The following CCNY variants were observed in gnomAD, a reference collection of about 807,000 sequenced individuals.
CCNY encodes the protein cyclin-Y.
In CCNY, 19 loss-of-function variants were observed where a neutral mutation model predicts 42.8. The observed-to-expected ratio is 0.44, with a 90% CI of 0.31 to 0.65. The LOEUF (loss-of-function observed/expected upper bound fraction) is 0.65, where lower values mean the gene tolerates loss of function less well. Among genes scored for constraint, CCNY ranks in the 30% least tolerant of loss-of-function variants. CCNY has a pLI of 0.07. For synonymous variants in CCNY, 165 were observed against 162.7 expected, an observed-to-expected ratio of 1.01 and a Z score of -0.11; for missense variants, 370 against 437.3, an observed-to-expected ratio of 0.85 and a Z score of 1.37.
chr10:35,529,871 C>CCA, intron 5 of CCNY, 102 bp from the exon 6 acceptor site: 1 of 968,992 alleles, frequency 1.0e-6, no homozygotes, highest in Non-Finnish European at 1.5e-6. Flanking sequence ...CTCCGTATCC[C>CCA]AAAAAAAAAA....
intron 1 of CCNY, among the ~76,000 whole-genome samples, chr10:35,360,749 G>A (rs896864107): frequency 5.9e-5 from 9 of 151,864 alleles, no homozygotes; most frequent in African/African-American, 1.9e-4. Context: ...ATACTCATCT[G>A]TATATGATTA....
At chr10:35,355,320 T>C (rs958559406) in intron 1 of CCNY, among the ~76,000 whole-genome samples, 1 of 152,144 alleles carries the variant, frequency 6.6e-6, no homozygotes, top group Admixed American at 6.5e-5. Flanking sequence ...CCAAGCATAG[T>C]AGAGCTAAAA....
chr10:35,528,442 G>A (rs757565499), intron 5 of CCNY, among the ~76,000 whole-genome samples: 3 of 152,178 alleles, frequency 2.0e-5, no homozygotes, highest in African/African-American at 4.8e-5. Flanking sequence ...AGTGGCTTAC[G>A]CCTGTAATCC....
chr10:35,376,141 C>G (rs1050404117), intron 1 of CCNY, among the ~76,000 whole-genome samples: 4 of 152,140 alleles, frequency 2.6e-5, no homozygotes, highest in Admixed American at 2.6e-4. Context: ...CAACCTGGCA[C>G]AGCAGTTATT....
chr10:35,380,173 C>T (rs568342589), intron 1 of CCNY, among the ~76,000 whole-genome samples: 12 of 152,172 alleles, frequency 7.9e-5, no homozygotes, highest in Non-Finnish European at 1.5e-4. Context: ...CTTAGATCCT[C>T]GAGGGCTTGG....
At chr10:35,512,679 C>T (rs1415877857) in intron 3 of CCNY, among the ~76,000 whole-genome samples, 3 of 152,116 alleles carry the variant, frequency 2.0e-5, no homozygotes, top group Admixed American at 2.0e-4. Context: ...GTTAGGGCTT[C>T]TACTCCAGGT....
intron 1 of CCNY, among the ~76,000 whole-genome samples, chr10:35,406,942 G>T (rs1837792312): frequency 2.6e-5 from 4 of 152,208 alleles, no homozygotes; most frequent in South Asian, 4.1e-4. Flanking sequence ...GTCGGGAGCG[G>T]ATTGGGTAAT....
chr10:35,275,310 C>G (rs1835225330), intron 3 of CCNY, among the ~76,000 whole-genome samples: 1 of 151,556 alleles, frequency 6.6e-6, no homozygotes, highest in Non-Finnish European at 1.5e-5. Context: ...AAATGATCTG[C>G]CCGCATTGGC....
intron 3 of CCNY, among the ~76,000 whole-genome samples, chr10:35,288,583 C>T (rs1835379748): frequency 9.9e-5 from 15 of 152,086 alleles, no homozygotes; most frequent in Admixed American, 9.8e-4. Context: ...TAAAGATTTT[C>T]TCCTAGTATT....
upstream of CCNY, among the ~76,000 whole-genome samples, chr10:35,332,698 G>A (rs1447387176): frequency 2.6e-5 from 4 of 151,936 alleles, no homozygotes; most frequent in Non-Finnish European, 4.4e-5. Flanking sequence ...TCCACCTCCC[G>A]GGTTCACACC....
intron 5 of CCNY, among the ~76,000 whole-genome samples, chr10:35,527,849 A>G (rs993485481): frequency 1.3e-5 from 2 of 152,120 alleles, no homozygotes; most frequent in Admixed American, 6.5e-5. Context: ...GGTGCTGGTG[A>G]TAGACCTGTT....
Position 35,379,205 on chromosome 10 carries a change from A to G in CCNY, c.154+41998A>G, listed in dbSNP as rs115831604. Among the ~76,000 whole-genome samples the G allele has an allele frequency of 6.8e-3, 1,035 of 152,336 alleles. 11 individuals are homozygous for G. Among genetic ancestry groups the G allele is most frequent in the African/African-American group, 0.024 (989 of 41,570 alleles). On this transcript the variant is annotated intron_variant, in intron 1 of 9. Transcript: ENST00000374704. Reference sequence around the variant, plus strand: ...GAGAGCAGGCAGGCTCTCGGGTCCAAAAGTGTCTTGAGAGAGCAGGGAAAG... The same window carrying G: ...GAGAGCAGGCAGGCTCTCGGGTCCAGAAGTGTCTTGAGAGAGCAGGGAAAG...
chr10:35,262,642 G>A (rs1446938141), intron 3 of CCNY, among the ~76,000 whole-genome samples: 1 of 152,084 alleles, frequency 6.6e-6, no homozygotes, highest in Non-Finnish European at 1.5e-5. Flanking sequence ...GATTACAGGG[G>A]TGAGTCGCCA....
intron 1 of CCNY, among the ~76,000 whole-genome samples, chr10:35,464,671 C>G (rs1330737643): frequency 2.0e-5 from 3 of 152,060 alleles, no homozygotes; most frequent in African/African-American, 7.3e-5. Context: ...TTCCTGGAGG[C>G]ACTTACCTGG....
chr10:35,353,828 A>G lies in CCNY; in HGVS notation c.154+16621A>G, dbSNP rs530119631. ...GGAATTGTATTAGTTGAAAAGCTGT[A>G]CAAGAAATTACCCCAACATTTAGTA... On this transcript the variant is annotated intron_variant, in intron 1 of 9. Coordinates refer to ENST00000374704, the MANE Select transcript of CCNY (RefSeq NM_145012.6). Among the ~76,000 whole-genome samples the G allele has an allele frequency of 3.9e-4, 60 of 152,358 alleles. 1 individual carries two copies. The South Asian group carries it at 9.9e-3, about 25-fold the overall frequency.
intron 1 of CCNY, among the ~76,000 whole-genome samples, chr10:35,372,114 C>T (rs997682369): frequency 1.1e-4 from 17 of 152,082 alleles, no homozygotes; most frequent in African/African-American, 3.6e-4. Context: ...GCTTTGAAGG[C>T]TCAGAGGATG....
At chr10:35,547,777 G>A (rs1841147654) in intron 7 of CCNY, among the ~76,000 whole-genome samples, 1 of 152,124 alleles carries the variant, frequency 6.6e-6, no homozygotes, top group African/African-American at 2.4e-5. Flanking sequence ...CGCTCTGCCG[G>A]CCCCTGGGCT....
chr10:35,384,160 G>A (rs1564391064), intron 1 of CCNY, among the ~76,000 whole-genome samples: 1 of 152,090 alleles, frequency 6.6e-6, no homozygotes, highest in African/African-American at 2.4e-5. Context: ...GAGACAGGTC[G>A]CAATCAGTTT....
chr10:35,456,804 AT>A (rs113504651), intron 1 of CCNY, among the ~76,000 whole-genome samples: 1 of 152,180 alleles, frequency 6.6e-6, no homozygotes, highest in African/African-American at 2.4e-5. Flanking sequence ...TGAAAGGAAA[AT>A]ACTGTAGGTG....
Sources: gnomAD v4.1 joint callset for allele counts (sites outside exome capture counted in the v4.1 genomes callset) on GRCh38, gnomAD v4.1.1 for gene constraint, MANE v1.5 for transcripts, NCBI Gene and HGNC (gene_info 2026-07-23, HGNC 2026-07-21) for gene names.